Variants in ELOVL6 observed in about 807,000 individuals in gnomAD.
ELOVL6 encodes the protein ELOVL fatty acid elongase 6, also known as very long chain fatty acid elongase 6.
A neutral mutation model predicts 31.7 loss-of-function variants in ELOVL6; 8 were observed. The observed-to-expected ratio is 0.25, with a 90% CI of 0.15 to 0.45. The LOEUF (loss-of-function observed/expected upper bound fraction) is 0.45, where lower values mean the gene tolerates loss of function less well. Ranked by LOEUF, ELOVL6 falls within the 20% of genes least tolerant of loss-of-function variation. The pLI is 1.00. For missense variants in ELOVL6, 126 were observed against 326.4 expected (o/e 0.39, Z 4.73); for synonymous variants, 101 against 117.7 (o/e 0.86, Z 0.92).
intron 1 of ELOVL6, among the ~76,000 whole-genome samples, chr4:110,164,842 G>C (rs1210407901): frequency 1.3e-5 from 2 of 151,694 alleles, no homozygotes; most frequent in Admixed American, 1.3e-4. Context: ...TTGTTTTGGG[G>C]AATTTCTTTT....
At chr4:110,131,418 T>C (rs1175200836) in intron 1 of ELOVL6, among the ~76,000 whole-genome samples, 8 of 152,212 alleles carry the variant, frequency 5.3e-5, no homozygotes, top group Non-Finnish European at 8.8e-5. Context: ...GCCTCTTTTA[T>C]AGACAGGGGT....
chr4:110,056,867 C>T (rs1044492171), intron 3 of ELOVL6, among the ~76,000 whole-genome samples: 2 of 152,166 alleles, frequency 1.3e-5, no homozygotes, highest in Middle Eastern at 3.4e-3. Context: ...ACAATGTCCG[C>T]TATGAGGCTG....
In ELOVL6 at chr4:110,048,824, A is replaced by G. The variant is rs1182594260; in HGVS notation, c.*2514T>C. ...CATTCACCCTGTAAACAAAAATTCC[A>G]AATTATTTTACAAGTAAAGACAAAC... On this transcript the variant is annotated 3_prime_UTR_variant, in exon 4 of 4. Transcript: ENST00000302274. The G allele has an allele frequency of 6.6e-6, 1 of 152,250 alleles. No homozygotes were observed. Among genetic ancestry groups the G allele is most frequent in the African/African-American group, 2.4e-5 (1 of 41,474 alleles). 9.4% of individuals were successfully genotyped at this position (152,250 alleles called of 1,614,324 possible). A position where few individuals can be genotyped will look rare whatever the true frequency, so the allele number is the denominator to read the frequency against.
intron 2 of ELOVL6, among the ~76,000 whole-genome samples, chr4:110,090,860 C>T (rs552418075): frequency 6.6e-6 from 1 of 152,218 alleles, no homozygotes; most frequent in Non-Finnish European, 1.5e-5. Flanking sequence ...GCCTCGGCCT[C>T]CCAAAGTGCT....
chr4:110,095,346 G>T (rs28453273), intron 2 of ELOVL6, among the ~76,000 whole-genome samples: 34,190 of 151,982 alleles, frequency 0.22, 4,435 homozygotes, highest in East Asian at 0.48. Context: ...GCTGGGCGTG[G>T]TGGCACACGC....
intron 1 of ELOVL6, among the ~76,000 whole-genome samples, chr4:110,182,532 G>A (rs879445086): frequency 3.9e-5 from 6 of 152,172 alleles, no homozygotes; most frequent in Non-Finnish European, 8.8e-5. Context: ...TATAGTTAAT[G>A]CAAAGAATGT....
At chr4:110,137,384 T>C (rs1406444404) in intron 1 of ELOVL6, among the ~76,000 whole-genome samples, 4 of 152,088 alleles carry the variant, frequency 2.6e-5, no homozygotes, top group African/African-American at 7.2e-5. Flanking sequence ...CTAACTTTCT[T>C]TGGGGCAAAG....
intron 1 of ELOVL6, among the ~76,000 whole-genome samples, chr4:110,139,062 T>C (rs767659885): frequency 6.6e-6 from 1 of 152,130 alleles, no homozygotes; most frequent in African/African-American, 2.4e-5. Context: ...GGGTTGAAGA[T>C]TGTGGCAACT....
At chr4:110,073,823 C>T (rs1755557797) in intron 2 of ELOVL6, among the ~76,000 whole-genome samples, 1 of 152,202 alleles carries the variant, frequency 6.6e-6, no homozygotes, top group African/African-American at 2.4e-5. Context: ...AAAAAGACCA[C>T]CGCTGGAAGA....
rs1228677149 is a variant in ELOVL6 at position 110,046,328 on chromosome 4, G to T, written c.*5010C>A. 6.6e-6 allele frequency: 1 copy of T among 152,174 alleles called. No individual in the cohort carries two copies. Among genetic ancestry groups the T allele is most frequent in the Non-Finnish European group, 1.5e-5 (1 of 68,046 alleles). 9.4% of individuals were successfully genotyped at this position (152,174 alleles called of 1,614,324 possible). On this transcript the variant is annotated 3_prime_UTR_variant, in exon 4 of 4. Coordinates refer to ENST00000302274, the MANE Select transcript of ELOVL6 (RefSeq NM_024090.3). ...AATTTAACCAGTTACTTCAGAAGAG[G>T]TTACTACAATGCAGTGTTGGTTTGG...
chr4:110,080,526 T>C (rs553997491), intron 2 of ELOVL6, among the ~76,000 whole-genome samples: 1 of 152,192 alleles, frequency 6.6e-6, no homozygotes, highest in African/African-American at 2.4e-5. Flanking sequence ...AAAAGGCCTT[T>C]GACAAAATTC....
In ELOVL6 at chr4:110,172,059, T is replaced by C. The variant is rs575183302; in HGVS notation, c.89+26188A>G. On this transcript the variant is annotated intron_variant, in intron 1 of 3. Transcript: ENST00000302274. ...TCTCTGAGCCTGTCTAGCAAATTAGTGCAACCCAAAGTCATGAGAATCCCA... is the reference window on the plus strand; with the variant it reads ...TCTCTGAGCCTGTCTAGCAAATTAGCGCAACCCAAAGTCATGAGAATCCCA... Among the ~76,000 whole-genome samples the C allele has an allele frequency of 2.8e-3, 423 of 152,230 alleles. 3 individuals carry two copies. Among genetic ancestry groups the C allele is most frequent in the African/African-American group, 9.8e-3 (409 of 41,548 alleles).
At chr4:110,135,149 C>A (rs1225701237) in intron 1 of ELOVL6, among the ~76,000 whole-genome samples, 1 of 152,122 alleles carries the variant, frequency 6.6e-6, no homozygotes, top group Non-Finnish European at 1.5e-5. Flanking sequence ...TTAAGGCTAA[C>A]AAGGAAGTCA....
At chr4:110,145,507 T>G (rs1336262047) in intron 1 of ELOVL6, among the ~76,000 whole-genome samples, 1 of 152,146 alleles carries the variant, frequency 6.6e-6, no homozygotes, top group Non-Finnish European at 1.5e-5. Flanking sequence ...AACTATGTGA[T>G]AAAGCAGTAC....
intron 1 of ELOVL6, among the ~76,000 whole-genome samples, chr4:110,196,781 T>TGC (rs1325227020): frequency 6.6e-6 from 1 of 151,796 alleles, no homozygotes; most frequent in Non-Finnish European, 1.5e-5. Flanking sequence ...GCCCCGCCGG[T>TGC]GCGCGCGGCC....
chr4:110,115,687 G>A (rs1757150611), intron 1 of ELOVL6, among the ~76,000 whole-genome samples: 2 of 152,196 alleles, frequency 1.3e-5, no homozygotes. Flanking sequence ...AGAGGATAAA[G>A]TTTGCAGACA....
chr4:110,195,641 T>A (rs1185486376), intron 1 of ELOVL6, among the ~76,000 whole-genome samples: 1 of 151,922 alleles, frequency 6.6e-6, no homozygotes, highest in East Asian at 1.9e-4. Flanking sequence ...TCTAAGAACA[T>A]AACATCAACA....
Position 110,093,750 on chromosome 4 carries a change from G to A in ELOVL6, c.221+11747C>T, listed in dbSNP as rs934135333. ...AAAATCACTGCCCTCATGGAACATA[G>A]AGTGCAGTGGGACGAGACAGATAAT... On this transcript the variant is annotated intron_variant, in intron 2 of 3. Transcript: ENST00000302274. Among the ~76,000 whole-genome samples, 11 of 152,176 alleles carry A rather than the reference G, an allele frequency of 7.2e-5. 1 individual carries two copies. The highest frequency in any genetic ancestry group is 6.5e-4 in the Admixed American group (10 of 15,268).
At chr4:110,173,345 G>A (rs960627447) in intron 1 of ELOVL6, among the ~76,000 whole-genome samples, 1 of 152,012 alleles carries the variant, frequency 6.6e-6, no homozygotes, top group Admixed American at 6.5e-5. Flanking sequence ...TCCAAGTTCT[G>A]TTTATGTCAC....
Sources: gnomAD v4.1 joint callset for allele counts (sites outside exome capture counted in the v4.1 genomes callset) on GRCh38, gnomAD v4.1.1 for gene constraint, MANE v1.5 for transcripts, NCBI Gene and HGNC (gene_info 2026-07-23, HGNC 2026-07-21) for gene names.